CHSY3: variants seen among roughly 807,000 people sequenced by gnomAD.
CHSY3 encodes chondroitin sulfate synthase 3.
A neutral mutation model predicts 67.2 loss-of-function variants in CHSY3; 35 were observed. That is an observed-to-expected ratio of 0.52 (90% CI 0.40 to 0.69). The LOEUF (loss-of-function observed/expected upper bound fraction) is 0.69. CHSY3 is among the 30% of genes least tolerant of loss of function. The pLI, the probability that CHSY3 is intolerant of heterozygous loss-of-function variation, is 0.00. For missense variants in CHSY3, 1,069 were observed against 1,138.5 expected (o/e 0.94, Z 0.88); for synonymous variants, 474 against 434.7 (o/e 1.09, Z -1.12).
chr5:130,063,064 T>C (rs2159120), intron 2 of CHSY3, among the ~76,000 whole-genome samples: 47,747 of 151,942 alleles, frequency 0.31, 7,731 homozygotes, highest in South Asian at 0.43. Context: ...TAGAATTTGG[T>C]CTTCTATATT....
chr5:130,008,305 G>T (rs1037627532), intron 2 of CHSY3, among the ~76,000 whole-genome samples: 12 of 152,100 alleles, frequency 7.9e-5, no homozygotes, highest in African/African-American at 2.9e-4. Flanking sequence ...AGAGAACAAA[G>T]CCATGGGTCT....
In CHSY3 at chr5:130,047,997, G is replaced by A. The variant is rs74845350; in HGVS notation, c.1087-136232G>A. ...ATGAATGGCTTTACCTATTTTGCACGCGTGGCTGTAAAAAAAGAAGTAAAG... is the reference window on the plus strand; with the variant it reads ...ATGAATGGCTTTACCTATTTTGCACACGTGGCTGTAAAAAAAGAAGTAAAG... On this transcript the variant is annotated intron_variant, in intron 2 of 2. Coordinates refer to ENST00000305031, the MANE Select transcript of CHSY3 (RefSeq NM_175856.5). Among the ~76,000 whole-genome samples the A allele has an allele frequency of 6.4e-3, 964 of 150,664 alleles. 38 individuals are homozygous for A. The highest frequency in any genetic ancestry group is 0.022 in the African/African-American group (873 of 40,536).
At chr5:130,031,407 A>C (rs1288523398) in intron 2 of CHSY3, among the ~76,000 whole-genome samples, 1 of 152,144 alleles carries the variant, frequency 6.6e-6, no homozygotes, top group Non-Finnish European at 1.5e-5. Context: ...TTATTATCTC[A>C]CTGTGTGCAC....
intron 2 of CHSY3, among the ~76,000 whole-genome samples, chr5:130,174,244 A>T (rs73788431): frequency 2.4e-4 from 36 of 151,948 alleles, no homozygotes; most frequent in Admixed American, 4.6e-4. Flanking sequence ...CCTTAATCTC[A>T]TATCTAAGAA....
chr5:129,994,609 G>A (rs1020912859), intron 2 of CHSY3, among the ~76,000 whole-genome samples: 25 of 152,146 alleles, frequency 1.6e-4, no homozygotes, highest in African/African-American at 6.0e-4. Flanking sequence ...TGTGTTTATT[G>A]TGGCACTATT....
intron 2 of CHSY3, among the ~76,000 whole-genome samples, chr5:130,101,203 T>C (rs553303601): frequency 1.1e-4 from 17 of 152,358 alleles, no homozygotes; most frequent in African/African-American, 4.1e-4. Flanking sequence ...TATTTTTTGT[T>C]TTTGTTTTTG....
At chr5:130,044,197 G>GAGGT (rs1430753395) in intron 2 of CHSY3, among the ~76,000 whole-genome samples, 7 of 152,006 alleles carry the variant, frequency 4.6e-5, no homozygotes, top group Admixed American at 2.6e-4. Flanking sequence ...TCATTATTTG[G>GAGGT]AGGTCAAGTA....
rs1181042128 is a variant in CHSY3, at chr5:130,143,780, A to ATG, written c.1087-40445_1087-40444dup. ...TATGTGTGTGTGTGTATATATATAT[A>ATG]TGTGTATATATATATATATATATAT... On this transcript the variant is annotated intron_variant, in intron 2 of 2. Coordinates refer to ENST00000305031, the MANE Select transcript of CHSY3 (RefSeq NM_175856.5). Among the ~76,000 whole-genome samples the ATG allele has an allele frequency of 2.2e-3, 133 of 60,368 alleles. 1 individual carries two copies. Among genetic ancestry groups the ATG allele is most frequent in the African/African-American group, 9.5e-3 (102 of 10,694 alleles). 39.6% of individuals were successfully genotyped at this position (60,368 alleles called of 152,430 possible).
chr5:130,157,781 G>T (rs1343876967), intron 2 of CHSY3, among the ~76,000 whole-genome samples: 1 of 152,266 alleles, frequency 6.6e-6, no homozygotes, highest in Non-Finnish European at 1.5e-5. Context: ...ATGCGCCACT[G>T]GTTGCCCATT....
intron 2 of CHSY3, among the ~76,000 whole-genome samples, chr5:129,993,026 G>A (rs1763414572): frequency 1.3e-5 from 2 of 152,090 alleles, no homozygotes; most frequent in East Asian, 3.9e-4. Context: ...TGGTGGTTTG[G>A]CACACAAAAC....
Position 130,184,652 on chromosome 5 carries a change from GA to G in CHSY3, c.1511del (p.Glu504GlyfsTer2). ...ALDDTVLQVM[E>X]MINENAKSRG... is the part of the protein sequence containing the mutation. ...GGATGATACCGTCCTACAGGTGATG[GA>G]GATGATCAATGAGAATGCCAAGAGC... On this transcript the variant is annotated frameshift_variant, in exon 3 of 3. Coordinates refer to ENST00000305031, the MANE Select transcript of CHSY3 (RefSeq NM_175856.5). LOFTEE classifies it high-confidence loss of function. The G allele has an allele frequency of 6.2e-7, 1 of 1,604,794 alleles. No homozygotes were observed. The highest frequency in any genetic ancestry group is 8.5e-7 in the Non-Finnish European group (1 of 1,171,446).
intron 2 of CHSY3, among the ~76,000 whole-genome samples, chr5:130,002,862 A>G (rs1003514205): frequency 1.3e-5 from 2 of 152,072 alleles, no homozygotes; most frequent in African/African-American, 4.8e-5. Context: ...TGGGTAGCTT[A>G]TTTTAAATCA....
chr5:129,905,658 C>G, intron 1 of CHSY3, 27 bp downstream of exon 1: 1 of 1,606,464 alleles, frequency 6.2e-7, no homozygotes, highest in Non-Finnish European at 8.5e-7. Context: ...GGCTTTCCAG[C>G]CTGCCAGTCT....
chr5:129,990,217 G>T (rs1303284431), intron 2 of CHSY3, among the ~76,000 whole-genome samples: 1 of 151,850 alleles, frequency 6.6e-6, no homozygotes, highest in Non-Finnish European at 1.5e-5. Flanking sequence ...AAAAACTTCT[G>T]GTAGCAAATC....
chr5:130,066,598 T>C (rs571838315), intron 2 of CHSY3, among the ~76,000 whole-genome samples: 2 of 152,282 alleles, frequency 1.3e-5, no homozygotes, highest in African/African-American at 2.4e-5. Flanking sequence ...ATCTCAAGAA[T>C]TCCACCCAGT....
chr5:129,962,703 C>A (rs917353802), intron 2 of CHSY3, among the ~76,000 whole-genome samples: 10 of 152,016 alleles, frequency 6.6e-5, no homozygotes, highest in African/African-American at 2.2e-4. Context: ...GCAAAGAAAT[C>A]CTGCTTCCTC....
At chr5:130,082,547 G>C (rs1036247658) in intron 2 of CHSY3, among the ~76,000 whole-genome samples, 1 of 151,968 alleles carries the variant, frequency 6.6e-6, no homozygotes, top group Non-Finnish European at 1.5e-5. Context: ...TATTGCAAGA[G>C]TTTATCTGAA....
chr5:130,012,272 A>C (rs144009590), intron 2 of CHSY3, among the ~76,000 whole-genome samples: 3 of 152,206 alleles, frequency 2.0e-5, no homozygotes, highest in Non-Finnish European at 4.4e-5. Flanking sequence ...GACAGGTTAA[A>C]TAACCCACAA....
At chr5:130,171,519 A>C (rs1245013356) in intron 2 of CHSY3, among the ~76,000 whole-genome samples, 1 of 152,178 alleles carries the variant, frequency 6.6e-6, no homozygotes, top group Admixed American at 6.5e-5. Flanking sequence ...CTGCTGAGAA[A>C]TCTATATCAA....
Sources: allele counts gnomAD v4.1 joint callset (sites outside exome capture counted in the v4.1 genomes callset), GRCh38; gene constraint gnomAD v4.1.1; transcripts MANE v1.5; gene names NCBI Gene and HGNC (gene_info 2026-07-23, HGNC 2026-07-21).